Variants in C3orf85 observed in about 807,000 individuals in gnomAD.
The protein encoded by C3orf85 is chromosome 3 open reading frame 85.
Under a neutral mutation model 1.7 loss-of-function variants are expected in C3orf85, and 1 was observed. The observed-to-expected ratio is 0.60, with a 90% CI of 0.21 to 2.86. C3orf85 has a LOEUF of 2.86. Among genes scored for constraint, C3orf85 ranks in the 30% most tolerant of loss-of-function variants. The pLI, the probability that C3orf85 is intolerant of heterozygous loss-of-function variation, is 0.22. For missense variants in C3orf85, 29 were observed against 21.3 expected, an observed-to-expected ratio of 1.36 and a Z score of -0.72; for synonymous variants, 17 against 8.0, an observed-to-expected ratio of 2.13 and a Z score of -1.90.
intron 2 of C3orf85, among the ~76,000 whole-genome samples, chr3:109,145,841 A>G (rs1321928780): frequency 6.6e-6 from 1 of 152,148 alleles, no homozygotes; most frequent in East Asian, 1.9e-4. Context: ...CCTTTCAATC[A>G]TATTGGTAAA....
At chr3:109,136,952 AT>A in intron 2 of C3orf85, 56 bp downstream of exon 2, 1 of 403,480 alleles carries the variant, frequency 2.5e-6, no homozygotes, top group Admixed American at 4.3e-5. Flanking sequence ...CAGGTTGATA[AT>A]TCCTTTTGTC....
Position 109,151,333 on chromosome 3 carries a change from G to A in C3orf85, c.*1439G>A, listed in dbSNP as rs1369002550. 1.3e-5 allele frequency among the ~76,000 whole-genome samples: 2 copies of A among 152,150 alleles called. No homozygotes were observed. The highest frequency in any genetic ancestry group is 1.5e-5 in the Non-Finnish European group (1 of 68,038). ...GTTCTCCAGAGAAACAGAACCAATAGGATATGTATATATAGAGATGCTCCT... is the reference window on the plus strand; with the variant it reads ...GTTCTCCAGAGAAACAGAACCAATAAGATATGTATATATAGAGATGCTCCT... On this transcript the variant is annotated 3_prime_UTR_variant, in exon 4 of 4. Transcript: ENST00000622536.
At chr3:109,144,538 C>T (rs1226620466) in intron 2 of C3orf85, among the ~76,000 whole-genome samples, 1 of 151,998 alleles carries the variant, frequency 6.6e-6, no homozygotes, top group Non-Finnish European at 1.5e-5. Context: ...GAGATTGTAT[C>T]GGTAAAACAT....
chr3:109,137,983 G>C (rs1706699596), intron 2 of C3orf85, among the ~76,000 whole-genome samples: 1 of 152,198 alleles, frequency 6.6e-6, no homozygotes, highest in Middle Eastern at 3.4e-3. Context: ...GACTTTAGAG[G>C]GGGTAACGGT....
chr3:109,140,981 G>GTTTTGT (rs1359602147), intron 2 of C3orf85, among the ~76,000 whole-genome samples: 1 of 152,088 alleles, frequency 6.6e-6, no homozygotes, highest in Non-Finnish European at 1.5e-5. Flanking sequence ...GCTGTTGTTT[G>GTTTTGT]TTTTGTTTTT....
chr3:109,136,991 T>A, intron 2 of C3orf85, 95 bp downstream of exon 2: 1 of 398,604 alleles, frequency 2.5e-6, no homozygotes, highest in Non-Finnish European at 4.4e-6. Flanking sequence ...AAACACGTTT[T>A]TATCCATAGG....
intron 2 of C3orf85, among the ~76,000 whole-genome samples, chr3:109,142,537 C>G (rs1706752450): frequency 6.6e-6 from 1 of 152,166 alleles, no homozygotes; most frequent in Non-Finnish European, 1.5e-5. Flanking sequence ...TAGCAGTAGA[C>G]CTCTCCTATG....
intron 2 of C3orf85, among the ~76,000 whole-genome samples, chr3:109,139,458 C>A (rs996710449): frequency 6.6e-6 from 1 of 152,042 alleles, no homozygotes; most frequent in African/African-American, 2.4e-5. Context: ...TTTATTAAAA[C>A]CAAACAGCTT....
In C3orf85 at chr3:109,150,318, T is replaced by C; in HGVS notation, c.*424T>C. The C allele has an allele frequency of 6.6e-6, 1 of 152,626 alleles. No homozygotes were observed. The highest frequency in any genetic ancestry group is 2.4e-5 in the African/African-American group (1 of 41,608). 9.5% of individuals were successfully genotyped at this position (152,626 alleles called of 1,614,324 possible). A position where few individuals can be genotyped will look rare whatever the true frequency, so the allele number is the denominator to read the frequency against. Reference sequence around the variant, plus strand: ...CAAATGGAGCTGATCCTCTTCTCTCTTCTTCAGTGCTTGTCGCATTCTTAA... The same window carrying C: ...CAAATGGAGCTGATCCTCTTCTCTCCTCTTCAGTGCTTGTCGCATTCTTAA... On this transcript the variant is annotated 3_prime_UTR_variant, in exon 4 of 4. Coordinates refer to ENST00000622536, the MANE Select transcript of C3orf85 (RefSeq NM_001351622.2).
chr3:109,141,427 CT>C (rs1300800566), intron 2 of C3orf85, among the ~76,000 whole-genome samples: 1 of 152,104 alleles, frequency 6.6e-6, no homozygotes, highest in Non-Finnish European at 1.5e-5. Context: ...GGCTTTTCAC[CT>C]TTTGTCTTTT....
Position 109,146,954 on chromosome 3 carries a change from G to A in C3orf85, c.50-1299G>A, listed in dbSNP as rs540052392. On this transcript the variant is annotated intron_variant, in intron 2 of 3. Coordinates refer to ENST00000622536, the MANE Select transcript of C3orf85 (RefSeq NM_001351622.2). ...CAGAACAGTATTAATTCTGGCATCT[G>A]TCACTAATACCTCCTAAGTTTAAAT... Among the ~76,000 whole-genome samples, 8 of 152,090 alleles carry A rather than the reference G, an allele frequency of 5.3e-5. No individual in the cohort carries two copies. In the South Asian group the frequency reaches 6.2e-4, roughly 12 times the overall value.
chr3:109,141,754 G>A (rs753754910), intron 2 of C3orf85, among the ~76,000 whole-genome samples: 6 of 152,242 alleles, frequency 3.9e-5, no homozygotes, highest in African/African-American at 1.4e-4. Context: ...ACTTAGTGGG[G>A]CGTGGTGGCT....
At chr3:109,149,486 C>T (rs978774006) in intron 3 of C3orf85, 2 of 195,160 alleles carry the variant, frequency 1.0e-5, no homozygotes. Context: ...TAGACTGTGT[C>T]TTCTTTATAG....
At chr3:109,148,474 G>A (rs986092986) in intron 3 of C3orf85, 88 bp downstream of exon 3, 27 of 693,572 alleles carry the variant, frequency 3.9e-5, no homozygotes, top group Non-Finnish European at 6.0e-5. Flanking sequence ...CACATGACTA[G>A]CCTAGCCCTG....
chr3:109,145,467 G>T (rs549272955), intron 2 of C3orf85, among the ~76,000 whole-genome samples: 166 of 152,258 alleles, frequency 1.1e-3, no homozygotes, highest in Non-Finnish European at 1.4e-3. Flanking sequence ...GTTACCAGGG[G>T]TTGGGGAGGG....
rs1706844860 is a variant in C3orf85 at position 109,149,568 on chromosome 3, G to A, written c.184-237G>A. On this transcript the variant is annotated intron_variant, in intron 3 of 3. Coordinates refer to ENST00000622536, the MANE Select transcript of C3orf85 (RefSeq NM_001351622.2). ...ATTTGTACCAACTGACAGGCACTAT[G>A]TAATGTAGCAAGACTCTGCTACATT... 1.0e-5 allele frequency: 3 copies of A among 300,680 alleles called. No individual in the cohort carries two copies. In the Admixed American group the frequency reaches 1.5e-4, roughly 15 times the overall value. 18.6% of individuals were successfully genotyped at this position (300,680 alleles called of 1,614,324 possible). A position where few individuals can be genotyped will look rare whatever the true frequency, so the allele number is the denominator to read the frequency against.
chr3:109,147,056 C>CTGGTTTT (rs1402730372), intron 2 of C3orf85, among the ~76,000 whole-genome samples: 1 of 152,152 alleles, frequency 6.6e-6, no homozygotes, highest in African/African-American at 2.4e-5. Flanking sequence ...TACTGAAACA[C>CTGGTTTT]ATCATTCCTC....
At chr3:109,141,984 G>A (rs1040356123) in intron 2 of C3orf85, among the ~76,000 whole-genome samples, 17 of 152,080 alleles carry the variant, frequency 1.1e-4, no homozygotes, top group Admixed American at 2.6e-4. Context: ...AGCCAAGATC[G>A]TGCCACTGCA....
intron 2 of C3orf85, among the ~76,000 whole-genome samples, chr3:109,138,141 A>T (rs546296367): frequency 2.6e-5 from 4 of 152,228 alleles, no homozygotes; most frequent in Non-Finnish European, 2.9e-5. Context: ...GTTTGAATTT[A>T]CTTCAACTCC....
Sources: gnomAD v4.1 joint callset for allele counts (sites outside exome capture counted in the v4.1 genomes callset) on GRCh38, gnomAD v4.1.1 for gene constraint, MANE v1.5 for transcripts, NCBI Gene and HGNC (gene_info 2026-07-23, HGNC 2026-07-21) for gene names.